PDXDC1: variants seen among roughly 807,000 people sequenced by gnomAD.
The protein encoded by PDXDC1 is pyridoxal-dependent decarboxylase domain-containing protein 1.
A neutral mutation model predicts 100.1 loss-of-function variants in PDXDC1; 42 were observed. The ratio of observed to expected loss-of-function variants is 0.42; its 90% confidence interval spans 0.33 to 0.54. The LOEUF is 0.54. Among genes scored for constraint, PDXDC1 ranks in the 20% least tolerant of loss-of-function variants. The pLI is 0.10. For synonymous variants in PDXDC1, 260 were observed against 371.7 expected, an observed-to-expected ratio of 0.70 and a Z score of 3.46; for missense variants, 636 against 979.2, an observed-to-expected ratio of 0.65 and a Z score of 4.68.
chr16:14,984,259 C>G (rs1968704201), intron 1 of PDXDC1, among the ~76,000 whole-genome samples: 1 of 151,232 alleles, frequency 6.6e-6, no homozygotes, highest in Admixed American at 6.6e-5. Context: ...GATCCCTGCC[C>G]TGCTTTCTGT....
chr16:14,997,044 G>C (rs1438875550), intron 1 of PDXDC1, among the ~76,000 whole-genome samples: 1 of 152,162 alleles, frequency 6.6e-6, no homozygotes, highest in Non-Finnish European at 1.5e-5. Context: ...GGACCTTGTG[G>C]TTACCCCCAT....
intron 16 of PDXDC1, chr16:15,137,655 C>G (rs913470369): frequency 3.3e-5 from 43 of 1,298,592 alleles, no homozygotes; most frequent in Non-Finnish European, 4.5e-5. Flanking sequence ...CCCGGAGCCC[C>G]CCCCCAGAGA....
intron 3 of PDXDC1, among the ~76,000 whole-genome samples, chr16:15,001,300 C>A (rs1003954956): frequency 6.6e-6 from 1 of 152,244 alleles, no homozygotes; most frequent in Admixed American, 6.5e-5. Flanking sequence ...ACCAGTCTGG[C>A]CAACATGGTG....
the PDXDC1 span, among the ~76,000 whole-genome samples, chr16:15,151,824 G>A: frequency 1.9e-3 from 257 of 132,302 alleles, 1 homozygote; most frequent in African/African-American, 6.4e-3. Context: ...CCAGCTACTC[G>A]GGAGGCTGAG....
At chr16:14,974,844 G>C (rs1220619106), upstream of PDXDC1, 1 of 1,535,496 alleles carries the variant, frequency 6.5e-7, no homozygotes, top group East Asian at 2.4e-5. Context: ...TCCATGAATA[G>C]TACTTTGTGA....
At chr16:15,022,300 C>G (rs2278014) in intron 12 of PDXDC1, among the ~76,000 whole-genome samples, 1 of 152,198 alleles carries the variant, frequency 6.6e-6, no homozygotes, top group African/African-American at 2.4e-5. Context: ...ATTGACTTAT[C>G]CGTGGTCCTG....
rs531151480 is a variant in PDXDC1 at position 14,985,885 on chromosome 16, A to C, written c.21+10665A>C. 7.9e-5 allele frequency among the ~76,000 whole-genome samples: 12 copies of C among 152,198 alleles called. No individual in the cohort carries two copies. In the East Asian group the frequency reaches 2.4e-3, roughly 30 times the overall value. On this transcript the variant is annotated intron_variant, in intron 1 of 22. Coordinates refer to ENST00000396410, the MANE Select transcript of PDXDC1 (RefSeq NM_015027.4). ...GCCAAGGCAGGAGGATTGCTCGTGAAGCCAGGAGTTTGAGATCAGCCTGGG... is the reference window on the plus strand; with the variant it reads ...GCCAAGGCAGGAGGATTGCTCGTGACGCCAGGAGTTTGAGATCAGCCTGGG...
At chr16:15,029,895 C>G in intron 15 of PDXDC1, 56 bp from the exon 16 acceptor site, 1 of 1,493,342 alleles carries the variant, frequency 6.7e-7, no homozygotes, top group Non-Finnish European at 9.1e-7. Context: ...AGGGTGGGTC[C>G]TGAAGACGTC....
chr16:15,048,786 G>C (rs183538619), intron 16 of PDXDC1, among the ~76,000 whole-genome samples: 1 of 152,072 alleles, frequency 6.6e-6, no homozygotes, highest in African/African-American at 2.4e-5. Context: ...ACCACACCTG[G>C]CTGAGTTTTA....
intron 9 of PDXDC1, among the ~76,000 whole-genome samples, 155 bp from the exon 10 acceptor site, chr16:15,016,965 A>T (rs2041839375): frequency 6.6e-6 from 1 of 152,294 alleles, no homozygotes; most frequent in South Asian, 2.1e-4. Context: ...CTTCATATGT[A>T]TAAAGCACAC....
At chr16:14,989,090 A>G (rs1179689653) in intron 1 of PDXDC1, 32 of 1,614,208 alleles carry the variant, frequency 2.0e-5, no homozygotes, top group Middle Eastern at 1.6e-4. Flanking sequence ...CGGTGAGGCC[A>G]GACGGCCTGT....
intron 16 of PDXDC1, chr16:15,133,825 G>A (rs1472153158): frequency 2.5e-6 from 4 of 1,584,398 alleles, no homozygotes; most frequent in Non-Finnish European, 3.4e-6. Context: ...TTGGTGGTGA[G>A]GGCGTGCACA....
intron 16 of PDXDC1, among the ~76,000 whole-genome samples, chr16:15,046,413 G>T (rs1234191988): frequency 6.6e-6 from 1 of 152,186 alleles, no homozygotes; most frequent in African/African-American, 2.4e-5. Flanking sequence ...CAGTGGTCTT[G>T]ACAGCAGGCC....
At chr16:15,026,968 C>G (rs1304335880) in intron 14 of PDXDC1, among the ~76,000 whole-genome samples, 1 of 152,256 alleles carries the variant, frequency 6.6e-6, no homozygotes, top group Non-Finnish European at 1.5e-5. Flanking sequence ...GTTGCTTGAA[C>G]ATAAAGATTT....
At chr16:15,132,940 C>T (rs1284916698) in intron 16 of PDXDC1, 42 of 1,575,240 alleles carry the variant, frequency 2.7e-5, no homozygotes, top group Non-Finnish European at 3.4e-5. Flanking sequence ...CCAGCAGATG[C>T]CCACGACTCC....
intron 16 of PDXDC1, among the ~76,000 whole-genome samples, chr16:15,077,580 G>A (rs1479313344): frequency 2.6e-5 from 4 of 152,174 alleles, no homozygotes; most frequent in Non-Finnish European, 5.9e-5. Flanking sequence ...AGTGGCTCAC[G>A]CCTGTAATCC....
chr16:15,081,195 C>A (rs2151802670), intron 16 of PDXDC1, among the ~76,000 whole-genome samples: 1 of 152,312 alleles, frequency 6.6e-6, no homozygotes, highest in South Asian at 2.1e-4. Context: ...ACAAGTTTTT[C>A]TGTGGACATA....
At chr16:15,061,496 A>C in intron 16 of PDXDC1, 1 of 399,726 alleles carries the variant, frequency 2.5e-6, no homozygotes, top group Non-Finnish European at 4.4e-6. Context: ...ATCCTTCCAA[A>C]TGTATCATCA....
At chr16:15,093,344 A>G (rs140709294) in intron 16 of PDXDC1, among the ~76,000 whole-genome samples, 124 of 152,290 alleles carry the variant, frequency 8.1e-4, no homozygotes, top group African/African-American at 2.8e-3. Flanking sequence ...CAAATGACAG[A>G]TGTCTTCCCA....
Sources: gnomAD v4.1 joint callset for allele counts (sites outside exome capture counted in the v4.1 genomes callset) on GRCh38, gnomAD v4.1.1 for gene constraint, MANE v1.5 for transcripts, NCBI Gene and HGNC (gene_info 2026-07-23, HGNC 2026-07-21) for gene names.